CUL4A: variants seen among roughly 807,000 people sequenced by gnomAD.
The protein encoded by CUL4A is cullin-4A.
Under a neutral mutation model 95.5 loss-of-function variants are expected in CUL4A, and 16 were observed. The observed-to-expected ratio is 0.17, with a 90% CI of 0.11 to 0.25. The LOEUF (loss-of-function observed/expected upper bound fraction) is 0.25. CUL4A is among the 10% of genes least tolerant of loss of function. The pLI, the probability that CUL4A is intolerant of heterozygous loss-of-function variation, is 1.00. For synonymous variants in CUL4A, 380 were observed against 353.1 expected (o/e 1.08, Z -0.85); for missense variants, 610 against 937.0 (o/e 0.65, Z 4.56).
At chr13:113,253,788 G>A (rs2042053072) in intron 16 of CUL4A, among the ~76,000 whole-genome samples, 1 of 152,106 alleles carries the variant, frequency 6.6e-6, no homozygotes, top group South Asian at 2.1e-4. Flanking sequence ...TTATTTAAGA[G>A]GGGAGAATGC....
At chr13:113,250,756 A>T (rs568812586) in intron 15 of CUL4A, among the ~76,000 whole-genome samples, 8 of 152,324 alleles carry the variant, frequency 5.3e-5, no homozygotes, top group African/African-American at 1.7e-4. Flanking sequence ...TAGGTATGGT[A>T]ATGGCATAGT....
Position 113,244,937 on chromosome 13 carries a change from G to A in CUL4A, c.1334-12G>A. 1.3e-6 allele frequency: 2 copies of A among 1,514,490 alleles called. No homozygotes were observed. Among genetic ancestry groups the A allele is most frequent in the Non-Finnish European group, 1.8e-6 (2 of 1,089,352 alleles). 93.8% of individuals were successfully genotyped at this position (1,514,490 alleles called of 1,614,324 possible). On this transcript the variant is annotated splice_polypyrimidine_tract_variant and intron_variant, in intron 12 of 19. Transcript: ENST00000375440. Reference sequence around the variant, plus strand: ...TCTGATGTCTTGATTATTCTCGTCTGGTTATAAATAGGTAAAGATGTCTTT... The same window carrying A: ...TCTGATGTCTTGATTATTCTCGTCTAGTTATAAATAGGTAAAGATGTCTTT...
At chr13:113,262,070 G>A (rs984362481) in intron 19 of CUL4A, among the ~76,000 whole-genome samples, 5 of 152,190 alleles carry the variant, frequency 3.3e-5, no homozygotes, top group Admixed American at 2.0e-4. Context: ...GAGCCACCGC[G>A]CCCAGCCTCA....
chr13:113,239,702 G>A, intron 10 of CUL4A, 151 bp downstream of exon 10: 1 of 578,394 alleles, frequency 1.7e-6, no homozygotes, highest in Non-Finnish European at 3.0e-6. Flanking sequence ...TGGACAGTAG[G>A]CTTCCATCTG....
intron 15 of CUL4A, among the ~76,000 whole-genome samples, chr13:113,247,615 T>C (rs987407365): frequency 1.3e-5 from 2 of 152,084 alleles, no homozygotes; most frequent in East Asian, 1.9e-4. Flanking sequence ...CAGGAGAACT[T>C]TGGGGGAGAA....
At chr13:113,231,977 C>A (rs1051852487) in intron 5 of CUL4A, among the ~76,000 whole-genome samples, 2 of 145,010 alleles carry the variant, frequency 1.4e-5, no homozygotes, top group African/African-American at 5.6e-5. Flanking sequence ...ATTAATAATA[C>A]TACCACCACC....
At chr13:113,242,169 C>T (rs545144196) in intron 10 of CUL4A, among the ~76,000 whole-genome samples, 1 of 152,036 alleles carries the variant, frequency 6.6e-6, no homozygotes, top group South Asian at 2.1e-4. Context: ...TGGTGGTGTG[C>T]ACCTGTAGTC....
intron 2 of CUL4A, among the ~76,000 whole-genome samples, chr13:113,212,188 G>T (rs548528429): frequency 6.6e-6 from 1 of 152,296 alleles, no homozygotes; most frequent in African/African-American, 2.4e-5. Context: ...AGTTTATTAT[G>T]TATTCTGGAT....
intron 15 of CUL4A, among the ~76,000 whole-genome samples, chr13:113,249,477 G>A (rs928495149): frequency 6.6e-6 from 1 of 152,218 alleles, no homozygotes; most frequent in African/African-American, 2.4e-5. Flanking sequence ...GTATCGATAG[G>A]TCACATCTGG....
chr13:113,243,253 TCAAC>T, intron 11 of CUL4A, 93 bp downstream of exon 11: 15 of 1,220,626 alleles, frequency 1.2e-5, no homozygotes, highest in Non-Finnish European at 1.7e-5. Context: ...TAAGGCAAAA[TCAAC>T]CAAAATGTTC....
upstream of CUL4A, chr13:113,209,026 C>G: frequency 2.0e-6 from 1 of 492,832 alleles, no homozygotes; most frequent in Non-Finnish European, 2.6e-6. Context: ...GGCCTCGGGG[C>G]GCGCGCGCCC....
chr13:113,234,092 T>A, intron 7 of CUL4A, 106 bp downstream of exon 7: 1 of 645,976 alleles, frequency 1.5e-6, no homozygotes, highest in Non-Finnish European at 2.7e-6. Flanking sequence ...AAATGTTTCA[T>A]TGAAAATCTT....
In CUL4A at chr13:113,264,806, T is replaced by C. The variant is rs191379658; in HGVS notation, c.*1224T>C. The C allele has an allele frequency of 6.5e-6, 1 of 152,766 alleles. No individual in the cohort carries two copies. Among genetic ancestry groups the C allele is most frequent in the Non-Finnish European group, 1.5e-5 (1 of 68,036 alleles). 9.5% of individuals were successfully genotyped at this position (152,766 alleles called of 1,614,324 possible). A position where few individuals can be genotyped will look rare whatever the true frequency, so the allele number is the denominator to read the frequency against. ...GTGCTAAATTATTAAGAGTCTCTTT[T>C]TGAAACATGCGGGTTTGAAATATGA... On this transcript the variant is annotated 3_prime_UTR_variant, in exon 20 of 20. Coordinates refer to ENST00000375440, the MANE Select transcript of CUL4A (RefSeq NM_001008895.4).
chr13:113,225,561 T>C (rs1268148837), intron 3 of CUL4A, among the ~76,000 whole-genome samples: 1 of 152,276 alleles, frequency 6.6e-6, no homozygotes, highest in Admixed American at 6.5e-5. Context: ...ACACCTGAGC[T>C]GCCCAGTGGT....
upstream of CUL4A, chr13:113,208,778 G>A (rs2040175595): frequency 2.3e-5 from 33 of 1,423,600 alleles, no homozygotes; most frequent in South Asian, 4.5e-5. Context: ...AGAACCTGGG[G>A]ACCGGCTCGG....
Position 113,217,550 on chromosome 13 carries a change from TCACTG to T in CUL4A, c.265-1394_265-1390del, listed in dbSNP as rs201076245. On this transcript the variant is annotated intron_variant, in intron 2 of 19. Transcript: ENST00000375440. ...ATGCATGTATTTTATATGGTAGTAA[TCACTG>T]TATGTATTTAACTTTGGTTAATATG... Among the ~76,000 whole-genome samples the T allele has an allele frequency of 7.2e-3, 1,104 of 152,338 alleles. 10 individuals carry two copies. The highest frequency in any genetic ancestry group is 0.024 in the African/African-American group (993 of 41,588).
intron 18 of CUL4A, among the ~76,000 whole-genome samples, chr13:113,259,570 T>C (rs538445771): frequency 1.3e-5 from 2 of 152,334 alleles, no homozygotes; most frequent in African/African-American, 4.8e-5. Context: ...AAATCAATTT[T>C]ATCATGCCTT....
At position 113,210,005 on chromosome 13, in the gene CUL4A, G is replaced by C; in HGVS notation, c.181G>C (p.Asp61His). ...RPRLPDNYTQ[D>H]TWRKLHEAVR... ...TCGGCTGCCCGACAACTACACGCAG[G>C]ACACGTGGCGGAAGCTGCACGAGGC... The change falls in exon 2 of 20, where the codon GAC becomes CAC. Residue 61 changes from aspartate (D) to histidine (H), a missense_variant. Asp to His is a moderately conservative substitution (Grantham distance 81). This residue lies in a region of CUL4A where 168 missense variants were observed against 185.5 expected (regional missense o/e 0.91). Transcript: ENST00000375440. The C allele has an allele frequency of 6.6e-7, 1 of 1,523,034 alleles. No homozygotes were observed. The highest frequency in any genetic ancestry group is 8.8e-7 in the Non-Finnish European group (1 of 1,136,146). The allele number at this position is 1,523,034 out of a possible 1,614,324, so 94.3% of individuals were successfully genotyped here. A position where few individuals can be genotyped will look rare whatever the true frequency, so the allele number is the denominator to read the frequency against.
At chr13:113,221,866 G>A (rs1379974540) in intron 3 of CUL4A, among the ~76,000 whole-genome samples, 5 of 152,188 alleles carry the variant, frequency 3.3e-5, no homozygotes, top group African/African-American at 9.7e-5. Context: ...GTGAGCCACC[G>A]CGTCTGGCCT....
Sources: gnomAD v4.1 joint callset for allele counts (sites outside exome capture counted in the v4.1 genomes callset) on GRCh38, gnomAD v4.1.1 for gene constraint, gnomAD v4.1.1 regional missense constraint, MANE v1.5 for transcripts, NCBI Gene and HGNC (gene_info 2026-07-23, HGNC 2026-07-21) for gene names.